CPQ: variants seen among roughly 807,000 people sequenced by gnomAD.
CPQ encodes the protein Ser-Met dipeptidase.
A neutral mutation model predicts 45.7 loss-of-function variants in CPQ; 37 were observed. That is an observed-to-expected ratio of 0.81 (90% CI 0.62 to 1.07). CPQ has a LOEUF of 1.07. Ranked by LOEUF, CPQ falls within the 50% of genes least tolerant of loss-of-function variation. The pLI is 0.00. For missense variants in CPQ, 537 were observed against 572.9 expected, an observed-to-expected ratio of 0.94 and a Z score of 0.64; for synonymous variants, 186 against 205.8, an observed-to-expected ratio of 0.90 and a Z score of 0.82.
At chr8:96,890,399 T>C (rs1812357221) in intron 4 of CPQ, among the ~76,000 whole-genome samples, 1 of 152,194 alleles carries the variant, frequency 6.6e-6, no homozygotes, top group African/African-American at 2.4e-5. Flanking sequence ...AGCAAGCACC[T>C]CAGTGGGTCG....
chr8:96,996,681 A>C (rs149825560), intron 5 of CPQ, among the ~76,000 whole-genome samples: 61 of 152,116 alleles, frequency 4.0e-4, no homozygotes, highest in Non-Finnish European at 5.6e-4. Context: ...AAATTATTTT[A>C]TAATTGGTTC....
At chr8:96,845,813 C>CTTTTCA (rs1554572616) in intron 3 of CPQ, among the ~76,000 whole-genome samples, 4 of 152,014 alleles carry the variant, frequency 2.6e-5, no homozygotes, top group African/African-American at 9.7e-5. Flanking sequence ...AATTGCCTAA[C>CTTTTCA]TTTTTATTTT....
intron 3 of CPQ, among the ~76,000 whole-genome samples, chr8:96,854,530 C>CAAAAAAAAAAAAAAAAAAAAAAAA (rs1156706371): frequency 2.3e-4 from 2 of 8,696 alleles, no homozygotes; most frequent in Non-Finnish European, 8.0e-4. Context: ...GACTCCGTCT[C>CAAAAAAAAAAAAAAAAAAAAAAAA]AAAAAAAAAA....
intron 1 of CPQ, among the ~76,000 whole-genome samples, chr8:96,721,927 G>A (rs564008753): frequency 6.6e-5 from 10 of 152,098 alleles, no homozygotes; most frequent in Admixed American, 6.5e-4. Context: ...ACTTTACTTG[G>A]CTAACTCTTG....
At chr8:97,086,023 A>T (rs1016102471) in intron 7 of CPQ, among the ~76,000 whole-genome samples, 3 of 152,174 alleles carry the variant, frequency 2.0e-5, no homozygotes, top group African/African-American at 7.2e-5. Flanking sequence ...TGTCCTTCAA[A>T]TGGGAAAAAA....
chr8:96,978,236 C>T (rs1813822867), intron 5 of CPQ, among the ~76,000 whole-genome samples: 1 of 152,274 alleles, frequency 6.6e-6, no homozygotes, highest in Middle Eastern at 3.4e-3. Context: ...CATTTAGAAG[C>T]TTCACTAACA....
chr8:96,831,892 A>G (rs1161603870), intron 2 of CPQ, among the ~76,000 whole-genome samples: 5 of 152,170 alleles, frequency 3.3e-5, no homozygotes, highest in Admixed American at 2.6e-4. Context: ...AATTAATTGA[A>G]ATTAAATGAC....
chr8:97,013,883 A>G (rs1809534016), intron 5 of CPQ, among the ~76,000 whole-genome samples: 1 of 152,250 alleles, frequency 6.6e-6, no homozygotes, highest in African/African-American at 2.4e-5. Flanking sequence ...TTCTTTATAT[A>G]GAAAAAGAAA....
chr8:96,882,515 G>A (rs1339228407), intron 4 of CPQ, among the ~76,000 whole-genome samples: 1 of 152,174 alleles, frequency 6.6e-6, no homozygotes, highest in Non-Finnish European at 1.5e-5. Context: ...CTGTTTGGTC[G>A]AGCAGGCTGG....
intron 2 of CPQ, among the ~76,000 whole-genome samples, chr8:96,832,558 G>A (rs1324833211): frequency 1.3e-5 from 2 of 152,144 alleles, no homozygotes; most frequent in Non-Finnish European, 2.9e-5. Flanking sequence ...GTTTCATTAA[G>A]TCAATTCCCA....
intron 1 of CPQ, among the ~76,000 whole-genome samples, chr8:96,731,611 G>A (rs1232555308): frequency 1.3e-5 from 2 of 152,128 alleles, no homozygotes; most frequent in African/African-American, 4.8e-5. Context: ...CTCAGGAAAT[G>A]CTCTATAATT....
At chr8:96,683,737 T>G (rs1354957909) in intron 1 of CPQ, among the ~76,000 whole-genome samples, 2 of 145,088 alleles carry the variant, frequency 1.4e-5, no homozygotes, top group Non-Finnish European at 3.0e-5. Context: ...TTCTATTTTT[T>G]TCTTTTCTCT....
intron 5 of CPQ, among the ~76,000 whole-genome samples, chr8:97,007,536 G>A (rs1200620974): frequency 6.6e-6 from 1 of 152,178 alleles, no homozygotes; most frequent in Non-Finnish European, 1.5e-5. Flanking sequence ...TAATCACAGG[G>A]CTATTTGACA....
chr8:96,675,664 G>C (rs1317926914), intron 1 of CPQ, among the ~76,000 whole-genome samples: 1 of 152,026 alleles, frequency 6.6e-6, no homozygotes, highest in Non-Finnish European at 1.5e-5. Flanking sequence ...CAGCAATATG[G>C]AAGTGTGCCT....
chr8:96,715,071 TA>T (rs111258318), intron 1 of CPQ, among the ~76,000 whole-genome samples: 3,633 of 152,234 alleles, frequency 0.024, 158 homozygotes, highest in African/African-American at 0.083. Context: ...CATTTTAATT[TA>T]TTTTTTTCCC....
intron 1 of CPQ, among the ~76,000 whole-genome samples, chr8:96,650,669 A>G (rs1292632334): frequency 6.6e-6 from 1 of 152,180 alleles, no homozygotes; most frequent in Non-Finnish European, 1.5e-5. Flanking sequence ...TTATCATATC[A>G]TATCACATAA....
chr8:96,925,694 CT>C (rs34617404), intron 4 of CPQ, among the ~76,000 whole-genome samples: 255 of 122,924 alleles, frequency 2.1e-3, no homozygotes, highest in African/African-American at 3.6e-3. Context: ...GGCCTCTGCA[CT>C]TTTTTTTTTT....
At chr8:97,116,092 T>A (rs761941161) in intron 7 of CPQ, among the ~76,000 whole-genome samples, 63 of 151,802 alleles carry the variant, frequency 4.2e-4, no homozygotes, top group Admixed American at 1.9e-3. Context: ...GAAAAAGAAA[T>A]GATAGGGCCT....
Position 97,067,123 on chromosome 8 carries a change from C to T in CPQ, c.1255+913C>T, listed in dbSNP as rs538476345. Reference sequence around the variant, plus strand: ...TGTATTTTTTACAGAGACAGAGTTTCGCCATGTTGCCCAGGCTGGTCTCCA... The same window carrying T: ...TGTATTTTTTACAGAGACAGAGTTTTGCCATGTTGCCCAGGCTGGTCTCCA... On this transcript the variant is annotated intron_variant, in intron 7 of 7. Transcript: ENST00000220763. Among the ~76,000 whole-genome samples, 16 of 151,664 alleles carry T rather than the reference C, an allele frequency of 1.1e-4. No individual in the cohort carries two copies. In the East Asian group the frequency reaches 2.5e-3, roughly 24 times the overall value.
Sources: allele counts gnomAD v4.1 joint callset (sites outside exome capture counted in the v4.1 genomes callset), GRCh38; gene constraint gnomAD v4.1.1; transcripts MANE v1.5; gene names NCBI Gene and HGNC (gene_info 2026-07-23, HGNC 2026-07-21).